LRRC28: variants seen among roughly 807,000 people sequenced by gnomAD.
LRRC28 encodes leucine-rich repeat-containing protein 28.
Under a neutral mutation model 45.7 loss-of-function variants are expected in LRRC28, and 39 were observed. That is an observed-to-expected ratio of 0.85 (90% CI 0.66 to 1.12). The LOEUF is 1.12. Ranked by LOEUF, LRRC28 falls within the 50% of genes most tolerant of loss-of-function variation. The pLI is 0.00. For missense variants in LRRC28, 435 were observed against 438.5 expected (o/e 0.99, Z 0.07); for synonymous variants, 206 against 178.8 (o/e 1.15, Z -1.22).
rs559867586 is a variant in LRRC28 at position 99,330,988 on chromosome 15, G to A, written c.386-2935G>A. On this transcript the variant is annotated intron_variant, in intron 5 of 9. Transcript: ENST00000301981. ...GTCTTTTATAGTTTGATTATGATGT[G>A]TATAGGTGTGGGTCTCTGTGTTTAT... Among the ~76,000 whole-genome samples, 15 of 152,094 alleles carry A rather than the reference G, an allele frequency of 9.9e-5. No individual in the cohort carries two copies. In the South Asian group the frequency reaches 3.1e-3, roughly 32 times the overall value.
At chr15:99,322,712 C>T (rs1033235530) in intron 5 of LRRC28, among the ~76,000 whole-genome samples, 1 of 152,176 alleles carries the variant, frequency 6.6e-6, no homozygotes, top group African/African-American at 2.4e-5. Context: ...GCATATTAAT[C>T]ACATTCTAGT....
chr15:99,323,103 T>G (rs1955855374), intron 5 of LRRC28, among the ~76,000 whole-genome samples: 1 of 152,226 alleles, frequency 6.6e-6, no homozygotes, highest in Non-Finnish European at 1.5e-5. Context: ...TTTAAAATAA[T>G]GTACACTCAG....
At chr15:99,348,394 T>C (rs1956763627) in intron 6 of LRRC28, among the ~76,000 whole-genome samples, 1 of 152,200 alleles carries the variant, frequency 6.6e-6, no homozygotes, top group Admixed American at 6.5e-5. Context: ...CTAGGAGCTT[T>C]ATGGTTTCAG....
chr15:99,313,903 T>A (rs1344774925), intron 5 of LRRC28, among the ~76,000 whole-genome samples: 6 of 152,104 alleles, frequency 3.9e-5, no homozygotes, highest in Non-Finnish European at 8.8e-5. Context: ...TAGACTGGGC[T>A]GGGGGTAGGA....
At chr15:99,292,502 C>G (rs2082149871) in intron 5 of LRRC28, among the ~76,000 whole-genome samples, 1 of 151,304 alleles carries the variant, frequency 6.6e-6, no homozygotes, top group Non-Finnish European at 1.5e-5. Flanking sequence ...GTAGCTGGGA[C>G]TACAGGCGCC....
At chr15:99,312,055 A>C (rs1955433289) in intron 5 of LRRC28, among the ~76,000 whole-genome samples, 1 of 152,212 alleles carries the variant, frequency 6.6e-6, no homozygotes, top group Non-Finnish European at 1.5e-5. Flanking sequence ...ATTATAGCTA[A>C]AAAATTAATA....
intron 9 of LRRC28, among the ~76,000 whole-genome samples, chr15:99,369,018 C>A (rs1365824163): frequency 6.6e-6 from 1 of 152,218 alleles, no homozygotes; most frequent in African/African-American, 2.4e-5. Context: ...CAACAGAACA[C>A]AATTCACTCA....
intron 5 of LRRC28, among the ~76,000 whole-genome samples, chr15:99,309,789 A>G (rs570195304): frequency 3.9e-5 from 6 of 152,314 alleles, no homozygotes; most frequent in African/African-American, 1.4e-4. Context: ...TTGCAAGACT[A>G]GATAATTCAG....
rs915894499 is a variant in LRRC28 at position 99,363,205 on chromosome 15, C to T, written c.971C>T (p.Thr324Ile). Residue 324 changes from threonine (T) to isoleucine (I), a missense_variant, in exon 9 of 10, where the codon ACC becomes ATC. Thr to Ile is a moderately conservative substitution (Grantham distance 89). Transcript: ENST00000301981. The part of the protein sequence containing the change: ...HCHRCSEPMF[T>I]IVYPKLFPLR... The stretch of plus-strand genomic sequence containing the variant: ...CATCGGTGTAGTGAGCCTATGTTTA[C>T]CATCGTCTACCCCAAGCTCTTTCCC... The T allele has an allele frequency of 1.1e-5, 18 of 1,613,944 alleles. No individual in the cohort carries two copies. The highest frequency in any genetic ancestry group is 1.4e-5 in the Non-Finnish European group (16 of 1,179,922).
intron 5 of LRRC28, among the ~76,000 whole-genome samples, chr15:99,316,575 A>G (rs992308813): frequency 6.6e-6 from 1 of 152,134 alleles, no homozygotes; most frequent in African/African-American, 2.4e-5. Context: ...TTTAAATTCT[A>G]TTACTGTATT....
intron 2 of LRRC28, among the ~76,000 whole-genome samples, chr15:99,264,592 C>G (rs2081285822): frequency 6.6e-6 from 1 of 152,178 alleles, no homozygotes; most frequent in Non-Finnish European, 1.5e-5. Context: ...TCTATGCAAA[C>G]CCCCACATAG....
At chr15:99,260,662 T>C (rs2081171509) in intron 2 of LRRC28, among the ~76,000 whole-genome samples, 1 of 152,206 alleles carries the variant, frequency 6.6e-6, no homozygotes, top group Non-Finnish European at 1.5e-5. Context: ...AACATTACTT[T>C]TCCTAGAGTG....
intron 5 of LRRC28, among the ~76,000 whole-genome samples, chr15:99,308,443 G>C (rs928977998): frequency 6.6e-6 from 1 of 152,186 alleles, no homozygotes; most frequent in African/African-American, 2.4e-5. Context: ...GAGGTAGGAG[G>C]ATCGCTTAAG....
intron 5 of LRRC28, among the ~76,000 whole-genome samples, chr15:99,318,971 T>C (rs1026788974): frequency 1.3e-5 from 2 of 152,140 alleles, no homozygotes; most frequent in Admixed American, 6.5e-5. Flanking sequence ...GAAATGTATA[T>C]GCACTAAAAT....
At chr15:99,258,794 C>T (rs1265032097) in intron 2 of LRRC28, 14 of 695,376 alleles carry the variant, frequency 2.0e-5, no homozygotes, top group Non-Finnish European at 2.7e-6. Context: ...CACATTTGTT[C>T]CACGTGGCCT....
intron 4 of LRRC28, 90 bp from the exon 5 acceptor site, chr15:99,287,724 G>A: frequency 7.2e-7 from 1 of 1,391,904 alleles, no homozygotes; most frequent in Non-Finnish European, 9.7e-7. Flanking sequence ...AAATTAAGTA[G>A]TAAAATATTT....
At chr15:99,300,913 A>G (rs180759941) in intron 5 of LRRC28, among the ~76,000 whole-genome samples, 2 of 152,316 alleles carry the variant, frequency 1.3e-5, no homozygotes, top group African/African-American at 4.8e-5. Context: ...CTGTGGTGCT[A>G]TTCTTCTTTT....
At chr15:99,354,001 G>A (rs759404056) in intron 7 of LRRC28, 6 of 152,084 alleles carry the variant, frequency 3.9e-5, no homozygotes, top group Non-Finnish European at 8.8e-5. Flanking sequence ...AAATTATTAG[G>A]TAATAGTCTA....
chr15:99,287,197 C>G (rs1171358890), intron 3 of LRRC28, 60 bp from the exon 4 acceptor site: 1 of 1,414,246 alleles, frequency 7.1e-7, no homozygotes, highest in African/African-American at 1.5e-5. Flanking sequence ...ATTTTATAAA[C>G]TGATTATCTG....
Sources: allele counts gnomAD v4.1 joint callset (sites outside exome capture counted in the v4.1 genomes callset), GRCh38; gene constraint gnomAD v4.1.1; transcripts MANE v1.5; gene names NCBI Gene and HGNC (gene_info 2026-07-23, HGNC 2026-07-21).